AOAH: variants seen among roughly 807,000 people sequenced by gnomAD.
The protein encoded by AOAH is acyloxyacyl hydrolase (neutrophil).
Under a neutral mutation model 92.2 loss-of-function variants are expected in AOAH, and 64 were observed. The ratio of observed to expected loss-of-function variants is 0.69; its 90% CI spans 0.57 to 0.86. The LOEUF (loss-of-function observed/expected upper bound fraction) is 0.86. AOAH is among the 40% of genes least tolerant of loss of function. The probability of loss-of-function intolerance (pLI) is 0.00; values close to 1 mark genes in which losing one functional copy is unlikely to be tolerated. For synonymous variants in AOAH, 263 were observed against 254.5 expected, an observed-to-expected ratio of 1.03 and a Z score of -0.32; for missense variants, 656 against 694.6, an observed-to-expected ratio of 0.94 and a Z score of 0.62.
At chr7:36,524,731 C>T (rs536024124) in intron 19 of AOAH, among the ~76,000 whole-genome samples, 28 of 151,370 alleles carry the variant, frequency 1.8e-4, no homozygotes, top group African/African-American at 6.5e-4. Context: ...CCAGAGGGCT[C>T]GCTCACTCTT....
chr7:36,615,413 C>A (rs973330900), intron 11 of AOAH, among the ~76,000 whole-genome samples: 1 of 152,148 alleles, frequency 6.6e-6, no homozygotes, highest in Middle Eastern at 3.2e-3. Flanking sequence ...GCTGAGGGCA[C>A]CTGTACTTTT....
chr7:36,536,446 G>C (rs1171517484), intron 16 of AOAH, among the ~76,000 whole-genome samples: 1 of 151,986 alleles, frequency 6.6e-6, no homozygotes, highest in Non-Finnish European at 1.5e-5. Context: ...TCAGACTTGA[G>C]TGTCCAGCTG....
At chr7:36,524,473 C>T (rs763058640) in intron 19 of AOAH, among the ~76,000 whole-genome samples, 2 of 148,494 alleles carry the variant, frequency 1.3e-5, no homozygotes, top group African/African-American at 2.5e-5. Flanking sequence ...AGTGAAACCC[C>T]GTCTCTACTA....
intron 9 of AOAH, 74 bp from the exon 10 acceptor site, chr7:36,618,419 A>G: frequency 7.1e-7 from 1 of 1,411,948 alleles, no homozygotes; most frequent in East Asian, 2.3e-5. Flanking sequence ...GCTCTCCTAA[A>G]TGGCTTTAAA....
chr7:36,524,229 G>A (rs1417983714), intron 19 of AOAH, among the ~76,000 whole-genome samples: 1 of 152,072 alleles, frequency 6.6e-6, no homozygotes, highest in Non-Finnish European at 1.5e-5. Flanking sequence ...TCGCAACAGG[G>A]TGTTGCACGG....
intron 13 of AOAH, among the ~76,000 whole-genome samples, chr7:36,571,415 G>A (rs1486437300): frequency 2.0e-5 from 3 of 152,206 alleles, no homozygotes; most frequent in Non-Finnish European, 4.4e-5. Flanking sequence ...AGCCAAGGCT[G>A]CTCTCCAGCC....
intron 12 of AOAH, among the ~76,000 whole-genome samples, chr7:36,580,514 T>C (rs1056074027): frequency 6.6e-6 from 1 of 152,262 alleles, no homozygotes; most frequent in African/African-American, 2.4e-5. Flanking sequence ...TATTTTAATA[T>C]GTAGGCTATT....
At chr7:36,686,636 C>T in intron 2 of AOAH, 63 bp downstream of exon 2, 1 of 906,542 alleles carries the variant, frequency 1.1e-6, no homozygotes, top group Non-Finnish European at 1.6e-6. Context: ...TAAAGGCAGT[C>T]ATCATGACTC....
intron 13 of AOAH, among the ~76,000 whole-genome samples, chr7:36,562,351 T>C (rs1183444555): frequency 6.6e-6 from 1 of 152,238 alleles, no homozygotes; most frequent in Non-Finnish European, 1.5e-5. Flanking sequence ...AGATAGCTCC[T>C]AGCCTGTGGG....
intron 13 of AOAH, among the ~76,000 whole-genome samples, chr7:36,567,288 G>A (rs537478245): frequency 6.6e-6 from 1 of 152,276 alleles, no homozygotes; most frequent in South Asian, 2.1e-4. Context: ...AGTGATTTTA[G>A]AAGCCAGAAC....
intron 1 of AOAH, among the ~76,000 whole-genome samples, chr7:36,701,692 T>C (rs1798045562): frequency 6.6e-6 from 1 of 151,936 alleles, no homozygotes; most frequent in African/African-American, 2.4e-5. Context: ...TGTTTGAGTC[T>C]AAAAGTTATC....
intron 20 of AOAH, among the ~76,000 whole-genome samples, chr7:36,515,441 A>C (rs1339791768): frequency 1.9e-4 from 19 of 98,422 alleles, no homozygotes; most frequent in Admixed American, 3.6e-4. Flanking sequence ...CACCACACAC[A>C]AACACCACAC....
chr7:36,579,907 C>T (rs1168716942), intron 12 of AOAH, among the ~76,000 whole-genome samples: 1 of 152,198 alleles, frequency 6.6e-6, no homozygotes, highest in Non-Finnish European at 1.5e-5. Context: ...TCAGTATTAA[C>T]CATCACAGTT....
At chr7:36,533,049 A>G (rs898919877) in intron 16 of AOAH, among the ~76,000 whole-genome samples, 2 of 152,204 alleles carry the variant, frequency 1.3e-5, no homozygotes, top group Admixed American at 1.3e-4. Flanking sequence ...GAGGTACATA[A>G]TAAAGTGAAA....
intron 11 of AOAH, among the ~76,000 whole-genome samples, chr7:36,609,062 T>C (rs751001705): frequency 6.6e-6 from 1 of 152,060 alleles, no homozygotes; most frequent in Non-Finnish European, 1.5e-5. Flanking sequence ...GGAAGGATGC[T>C]GGGGGACAGC....
At chr7:36,723,883 G>T in intron 1 of AOAH, 139 bp downstream of exon 1, 3 of 869,508 alleles carry the variant, frequency 3.5e-6, no homozygotes, top group Non-Finnish European at 5.0e-6. Context: ...ACATTTCTCT[G>T]TGTCAGTGAG....
At chr7:36,589,217 T>G (rs1371651492) in intron 12 of AOAH, among the ~76,000 whole-genome samples, 1 of 152,124 alleles carries the variant, frequency 6.6e-6, no homozygotes, top group African/African-American at 2.4e-5. Context: ...TGGCTATTTT[T>G]GTTAAGGACT....
intron 4 of AOAH, among the ~76,000 whole-genome samples, chr7:36,651,848 A>T (rs1341997119): frequency 1.3e-5 from 2 of 152,206 alleles, no homozygotes; most frequent in Non-Finnish European, 2.9e-5. Context: ...TACTGGGTTA[A>T]AATTAGAGAT....
At chr7:36,697,335 C>T (rs1797786356) in intron 1 of AOAH, among the ~76,000 whole-genome samples, 1 of 152,152 alleles carries the variant, frequency 6.6e-6, no homozygotes, top group South Asian at 2.1e-4. Context: ...TAATTTGGTG[C>T]ATTCCATTAA....
Sources: gnomAD v4.1 joint callset for allele counts (sites outside exome capture counted in the v4.1 genomes callset) on GRCh38, gnomAD v4.1.1 for gene constraint, MANE v1.5 for transcripts, NCBI Gene and HGNC (gene_info 2026-07-23, HGNC 2026-07-21) for gene names.